The following LINGO2 variants were observed in gnomAD, a reference collection of about 807,000 sequenced individuals.
The protein encoded by LINGO2 is leucine rich repeat and Ig domain containing 2.
A neutral mutation model predicts 30.6 loss-of-function variants in LINGO2; 14 were observed. The observed-to-expected ratio is 0.46, with a 90% CI of 0.30 to 0.72. LINGO2 has a LOEUF of 0.72. Ranked by LOEUF, LINGO2 falls within the 30% of genes least tolerant of loss-of-function variation. LINGO2 has a pLI of 0.07. For missense variants in LINGO2, 729 were observed against 751.7 expected (o/e 0.97, Z 0.35); for synonymous variants, 317 against 288.5 (o/e 1.10, Z -1.00).
intron 5 of LINGO2, among the ~76,000 whole-genome samples, chr9:27,996,540 A>C (rs992807373): frequency 6.6e-6 from 1 of 152,190 alleles, no homozygotes; most frequent in African/African-American, 2.4e-5. Context: ...AGAAAAACAA[A>C]TCTCTCATGT....
chr9:28,856,919 T>C, the LINGO2 span, among the ~76,000 whole-genome samples: 2 of 152,028 alleles, frequency 1.3e-5, no homozygotes, highest in Non-Finnish European at 2.9e-5. Flanking sequence ...AATTATCTAA[T>C]CACGTTTGGT....
chr9:28,490,520 T>C (rs1297317506), intron 1 of LINGO2, among the ~76,000 whole-genome samples: 1 of 152,152 alleles, frequency 6.6e-6, no homozygotes, highest in Non-Finnish European at 1.5e-5. Context: ...ATAAATACAG[T>C]GAGTGCTAAA....
chr9:28,455,053 G>T (rs1398418175), intron 2 of LINGO2, among the ~76,000 whole-genome samples: 4 of 151,830 alleles, frequency 2.6e-5, no homozygotes, highest in African/African-American at 4.8e-5. Flanking sequence ...TATTCTTTTA[G>T]ATCCCTTCAC....
intron 4 of LINGO2, among the ~76,000 whole-genome samples, chr9:28,029,319 C>T (rs77354465): frequency 0.01 from 1,579 of 152,242 alleles, 31 homozygotes; most frequent in African/African-American, 0.036. Flanking sequence ...TGAATTTTAA[C>T]AAGCATCCCA....
At chr9:28,593,110 G>T (rs948503451) in intron 1 of LINGO2, among the ~76,000 whole-genome samples, 2 of 151,954 alleles carry the variant, frequency 1.3e-5, no homozygotes, top group African/African-American at 2.4e-5. Flanking sequence ...TTAGACTTCA[G>T]CAAATCAAGA....
chr9:28,679,420 G>C, the LINGO2 span, among the ~76,000 whole-genome samples: 3 of 151,950 alleles, frequency 2.0e-5, no homozygotes, highest in African/African-American at 7.2e-5. Flanking sequence ...AATCAATAAG[G>C]ATGTCTTGCT....
At chr9:29,079,911 G>C in the LINGO2 span, among the ~76,000 whole-genome samples, 2 of 152,020 alleles carry the variant, frequency 1.3e-5, no homozygotes, top group African/African-American at 4.8e-5. Context: ...GACAACCATT[G>C]TAATAAACAA....
chr9:28,797,109 G>C, the LINGO2 span, among the ~76,000 whole-genome samples: 1 of 151,290 alleles, frequency 6.6e-6, no homozygotes, highest in African/African-American at 2.4e-5. Context: ...ACTCAGTCTA[G>C]GGAGAGAAAT....
At chr9:28,933,992 T>G in the LINGO2 span, among the ~76,000 whole-genome samples, 1 of 152,308 alleles carries the variant, frequency 6.6e-6, no homozygotes, top group East Asian at 1.9e-4. Flanking sequence ...ATATTTACGA[T>G]GACATAAGGA....
At chr9:28,042,361 C>G (rs907547274) in intron 4 of LINGO2, among the ~76,000 whole-genome samples, 2 of 152,150 alleles carry the variant, frequency 1.3e-5, no homozygotes, top group African/African-American at 4.8e-5. Flanking sequence ...TAATTGTCAA[C>G]TTGTATAAAA....
chr9:28,832,028 G>A, the LINGO2 span, among the ~76,000 whole-genome samples: 1 of 151,996 alleles, frequency 6.6e-6, no homozygotes, highest in Non-Finnish European at 1.5e-5. Context: ...TCCCAATTTG[G>A]CTTATTCCAT....
chr9:28,520,839 A>C (rs115793838), intron 1 of LINGO2, among the ~76,000 whole-genome samples: 2,839 of 152,306 alleles, frequency 0.019, 92 homozygotes, highest in African/African-American at 0.064. Flanking sequence ...TTTTCATTAA[A>C]TCTCCTTTAC....
At chr9:28,706,845 G>A in the LINGO2 span, among the ~76,000 whole-genome samples, 1 of 152,022 alleles carries the variant, frequency 6.6e-6, no homozygotes, top group African/African-American at 2.4e-5. Flanking sequence ...CCTGATGATA[G>A]ACCTGACCTT....
chr9:28,417,841 T>G (rs1392831758), intron 2 of LINGO2, among the ~76,000 whole-genome samples: 1 of 152,196 alleles, frequency 6.6e-6, no homozygotes, highest in Non-Finnish European at 1.5e-5. Flanking sequence ...TGTATTCATC[T>G]CCATATCCCT....
chr9:28,506,505 C>CATAT lies in LINGO2; in HGVS notation c.-364-30484_-364-30481dup, dbSNP rs773033942. 4.3e-4 allele frequency among the ~76,000 whole-genome samples: 36 copies of CATAT among 84,408 alleles called. 5 individuals carry two copies. The highest frequency in any genetic ancestry group is 1.5e-3 in the African/African-American group (35 of 22,756). The allele number at this position is 84,408 out of a possible 152,430, so 55.4% of individuals were successfully genotyped here. On this transcript the variant is annotated intron_variant, in intron 1 of 5. Transcript: ENST00000379992. ...ATACACATACACACACACACACAGACATATATATATATATATAAACTGTTG... is the reference window on the plus strand; with the variant it reads ...ATACACATACACACACACACACAGACATATATATATATATATATATAAACTGTTG...
intron 4 of LINGO2, among the ~76,000 whole-genome samples, chr9:28,174,660 C>T (rs926333432): frequency 6.6e-6 from 1 of 152,020 alleles, no homozygotes; most frequent in Non-Finnish European, 1.5e-5. Flanking sequence ...CTCATTGTAC[C>T]CTGTACTACC....
the LINGO2 span, among the ~76,000 whole-genome samples, chr9:28,985,797 T>C: frequency 1.3e-5 from 2 of 152,080 alleles, no homozygotes; most frequent in African/African-American, 4.8e-5. Flanking sequence ...TGCAAATATA[T>C]TCTCCCAATC....
At chr9:28,994,647 C>G in the LINGO2 span, among the ~76,000 whole-genome samples, 1,377 of 151,802 alleles carry the variant, frequency 9.1e-3, 29 homozygotes, top group African/African-American at 0.031. Flanking sequence ...ACCAAAACAG[C>G]ATGGTACTGG....
intron 2 of LINGO2, among the ~76,000 whole-genome samples, chr9:28,414,327 T>C (rs955539367): frequency 1.3e-5 from 2 of 152,114 alleles, no homozygotes; most frequent in Non-Finnish European, 2.9e-5. Context: ...CACAAGGCTA[T>C]TGATGAGCTG....
Sources: allele counts gnomAD v4.1 joint callset (sites outside exome capture counted in the v4.1 genomes callset), GRCh38; gene constraint gnomAD v4.1.1; transcripts MANE v1.5; gene names NCBI Gene and HGNC (gene_info 2026-07-23, HGNC 2026-07-21).